Variants in LINGO1 observed in about 807,000 individuals in gnomAD.
LINGO1 encodes the protein leucine rich repeat and Ig domain containing 1, also known as leucine-rich repeat and immunoglobulin-like domain-containing nogo receptor-interacting protein 1.
Under a neutral mutation model 37.3 loss-of-function variants are expected in LINGO1, and 11 were observed. That is an observed-to-expected ratio of 0.29 (90% CI 0.19 to 0.49). The LOEUF (loss-of-function observed/expected upper bound fraction) is 0.49, where lower values mean the gene tolerates loss of function less well. Ranked by LOEUF, LINGO1 falls within the 20% of genes least tolerant of loss-of-function variation. The pLI, the probability that LINGO1 is intolerant of heterozygous loss-of-function variation, is 0.99. For synonymous variants in LINGO1, 387 were observed against 403.0 expected, an observed-to-expected ratio of 0.96 and a Z score of 0.48; for missense variants, 585 against 878.2, an observed-to-expected ratio of 0.67 and a Z score of 4.22.
chr15:77,676,307 C>T (rs1018678926), intron 3 of LINGO1, among the ~76,000 whole-genome samples: 3 of 152,228 alleles, frequency 2.0e-5, no homozygotes, highest in African/African-American at 7.2e-5. Context: ...GGGGGTTTAG[C>T]CCCCCAACTT....
chr15:77,664,170 T>TGTGTGTGTGTGTGTGTGTGCGCGC, intron 3 of LINGO1, among the ~76,000 whole-genome samples: 36 of 131,000 alleles, frequency 2.7e-4, no homozygotes, highest in African/African-American at 1.2e-3. Flanking sequence ...TGTGTGTGTG[T>TGTGTGTGTGTGTGTGTGTGCGCGC]GCGCGCGCGC....
At chr15:77,752,371 A>G (rs1460429130) in intron 1 of LINGO1, among the ~76,000 whole-genome samples, 1 of 152,208 alleles carries the variant, frequency 6.6e-6, no homozygotes, top group African/African-American at 2.4e-5. Flanking sequence ...TGGTGAAGAC[A>G]TTATTTCATC....
At chr15:77,666,758 T>C (rs574345537) in intron 3 of LINGO1, among the ~76,000 whole-genome samples, 26 of 152,236 alleles carry the variant, frequency 1.7e-4, no homozygotes, top group Non-Finnish European at 3.8e-4. Flanking sequence ...GCTTGTAAGA[T>C]GCTTTTAACA....
intron 2 of LINGO1, among the ~76,000 whole-genome samples, chr15:77,708,677 C>T (rs1298162012): frequency 6.6e-6 from 1 of 152,104 alleles, no homozygotes; most frequent in East Asian, 1.9e-4. Context: ...CTTTGGGAGG[C>T]CAAGGCAGGC....
chr15:77,628,727 G>C (rs9920134), intron 1 of LINGO1, among the ~76,000 whole-genome samples: 26,612 of 151,996 alleles, frequency 0.18, 4,961 homozygotes, highest in African/African-American at 0.47. Context: ...TAAATGCCTC[G>C]ATTAATTAAT....
intron 1 of LINGO1, among the ~76,000 whole-genome samples, chr15:77,630,990 ATTTTGAGCTCCTCCCTGGCT>A (rs2074238494): frequency 6.6e-6 from 1 of 152,124 alleles, no homozygotes; most frequent in Non-Finnish European, 1.5e-5. Flanking sequence ...AGGCGTGAGG[ATTTTGAGCTCCTCCCTGGCT>A]TATACAAGGA....
chr15:77,772,591 G>T (rs916981588), intron 1 of LINGO1, among the ~76,000 whole-genome samples: 4 of 152,242 alleles, frequency 2.6e-5, no homozygotes, highest in African/African-American at 7.2e-5. Context: ...GGGGTGGGGG[G>T]TCTATGGTTT....
upstream of LINGO1, chr15:77,788,806 GCA>G (rs1482851346): frequency 6.6e-6 from 1 of 152,220 alleles, no homozygotes; most frequent in Non-Finnish European, 1.5e-5. Flanking sequence ...CTACCTGAGG[GCA>G]CCCTGCTAAG....
chr15:77,762,193 G>A (rs770058264), intron 1 of LINGO1, among the ~76,000 whole-genome samples: 3 of 152,216 alleles, frequency 2.0e-5, no homozygotes, highest in Admixed American at 6.5e-5. Context: ...ACAGTGGACC[G>A]AGGCGTGGGT....
At chr15:77,690,242 C>A (rs1183801861) in intron 2 of LINGO1, among the ~76,000 whole-genome samples, 1 of 152,134 alleles carries the variant, frequency 6.6e-6, no homozygotes, top group African/African-American at 2.4e-5. Flanking sequence ...TCCTGTGGAC[C>A]CAGTTAAAGG....
At chr15:77,766,294 T>C (rs2076527567) in intron 1 of LINGO1, among the ~76,000 whole-genome samples, 1 of 75,702 alleles carries the variant, frequency 1.3e-5, no homozygotes. Flanking sequence ...GGAGACCCTG[T>C]CTCAAAAAAA....
At chr15:77,723,581 T>A (rs539589981) in intron 2 of LINGO1, among the ~76,000 whole-genome samples, 1 of 152,316 alleles carries the variant, frequency 6.6e-6, no homozygotes, top group South Asian at 2.1e-4. Context: ...TTGGGGAAAC[T>A]GAGGCTCAGG....
At chr15:77,656,037 T>C (rs2074858116) in intron 3 of LINGO1, among the ~76,000 whole-genome samples, 1 of 152,224 alleles carries the variant, frequency 6.6e-6, no homozygotes, top group Non-Finnish European at 1.5e-5. Flanking sequence ...GTCTGCGTCC[T>C]CTACCCTCTG....
chr15:77,809,875 C>T (rs2076989137), intron 1 of LINGO1, among the ~76,000 whole-genome samples: 1 of 152,172 alleles, frequency 6.6e-6, no homozygotes, highest in Admixed American at 6.5e-5. Flanking sequence ...AGGTGGCTTC[C>T]TCTCCTTCCC....
chr15:77,805,971 T>C (rs1164680271), intron 1 of LINGO1, among the ~76,000 whole-genome samples: 1 of 152,166 alleles, frequency 6.6e-6, no homozygotes, highest in Non-Finnish European at 1.5e-5. Context: ...GGGGCTGACC[T>C]CAGAGCTGTG....
intron 1 of LINGO1, among the ~76,000 whole-genome samples, chr15:77,691,659 C>T (rs2075604895): frequency 2.0e-5 from 3 of 152,088 alleles, no homozygotes; most frequent in Admixed American, 2.0e-4. Context: ...GGGGAAGACT[C>T]TTGGGCACAG....
chr15:77,675,933 C>T (rs2075319923), intron 3 of LINGO1, among the ~76,000 whole-genome samples: 1 of 152,192 alleles, frequency 6.6e-6, no homozygotes, highest in Admixed American at 6.5e-5. Context: ...GCTCATGAAG[C>T]AATTTTCTAT....
At chr15:77,677,212 C>T (rs562040215) in intron 2 of LINGO1, 213 of 152,494 alleles carry the variant, frequency 1.4e-3, no homozygotes, top group Non-Finnish European at 2.2e-3. Flanking sequence ...GGGGCAAAGA[C>T]AGGGCTTCCT....
At chr15:77,656,245 T>C (rs759269382) in intron 3 of LINGO1, among the ~76,000 whole-genome samples, 3 of 152,102 alleles carry the variant, frequency 2.0e-5, no homozygotes, top group Non-Finnish European at 4.4e-5. Flanking sequence ...TGGACTGAGC[T>C]TTGGGGAAAG....
Sources: gnomAD v4.1 joint callset for allele counts (sites outside exome capture counted in the v4.1 genomes callset) on GRCh38, gnomAD v4.1.1 for gene constraint, MANE v1.5 for transcripts, NCBI Gene and HGNC (gene_info 2026-07-23, HGNC 2026-07-21) for gene names.